Variants in TOGARAM2 observed in about 807,000 individuals in gnomAD.
The protein encoded by TOGARAM2 is TOG array regulator of axonemal microtubules protein 2.
Under a neutral mutation model 93.3 loss-of-function variants are expected in TOGARAM2, and 85 were observed. That is an observed-to-expected ratio of 0.91 (90% CI 0.76 to 1.09). The LOEUF is 1.09. Among genes scored for constraint, TOGARAM2 ranks in the 50% least tolerant of loss-of-function variants. The pLI is 0.00. For synonymous variants in TOGARAM2, 593 were observed against 552.8 expected, an observed-to-expected ratio of 1.07 and a Z score of -1.02; for missense variants, 1,277 against 1,334.5, an observed-to-expected ratio of 0.96 and a Z score of 0.67.
At chr2:29,044,260 A>T (rs568798585) in intron 18 of TOGARAM2, among the ~76,000 whole-genome samples, 2 of 152,310 alleles carry the variant, frequency 1.3e-5, no homozygotes, top group East Asian at 3.9e-4. Flanking sequence ...CCCGAAAGGC[A>T]TATTGGGGCA....
intron 18 of TOGARAM2, among the ~76,000 whole-genome samples, chr2:29,044,253 G>A (rs189665205): frequency 1.1e-4 from 16 of 152,274 alleles, no homozygotes; most frequent in Admixed American, 3.9e-4. Context: ...CAAACCTCCC[G>A]AAAGGCATAT....
At chr2:29,024,032 G>C in intron 12 of TOGARAM2, 107 bp from the exon 13 acceptor site, 1 of 946,108 alleles carries the variant, frequency 1.1e-6, no homozygotes. Flanking sequence ...CTAGGTCAGG[G>C]GAAGGGTGGG....
At chr2:29,034,786 A>G (rs1029696383) in intron 16 of TOGARAM2, among the ~76,000 whole-genome samples, 1 of 152,118 alleles carries the variant, frequency 6.6e-6, no homozygotes, top group African/African-American at 2.4e-5. Context: ...CCAGCCAGGG[A>G]TCAGGATATA....
rs146889949 is a variant in TOGARAM2 at position 28,973,441 on chromosome 2, CCCTTCCTT to C, written c.-147+16764_-147+16771del. On this transcript the variant is annotated intron_variant, in intron 1 of 6. Coordinates refer to the TOGARAM2 transcript ENST00000401723. ...CTTCTTTCCTCCCTTCCTTCCCTTC[CCCTTCCTT>C]CCTTCCTTCCTTCCTTCCTCCCTCC... 4.3e-3 allele frequency among the ~76,000 whole-genome samples: 169 copies of C among 39,054 alleles called. 1 individual carries two copies. Among genetic ancestry groups the C allele is most frequent in the South Asian group, 7.7e-3 (8 of 1,044 alleles). The allele number at this position is 39,054 out of a possible 152,430, so 25.6% of individuals were successfully genotyped here.
intron 11 of TOGARAM2, among the ~76,000 whole-genome samples, 174 bp downstream of exon 11, chr2:29,022,482 G>A (rs1351308652): frequency 6.6e-6 from 1 of 152,204 alleles, no homozygotes; most frequent in Non-Finnish European, 1.5e-5. Flanking sequence ...GTGTTTATGT[G>A]CGTGTGTGCA....
Position 29,017,952 on chromosome 2 carries a change from C to A in TOGARAM2, c.1356C>A (p.Ala452=). ...SRQEPRFARH[A]SANSLPAVLT... ...AGGAGCCCCGCTTTGCCCGCCACGC[C>A]TCAGGTGGGCAGGCCCGACTGGCAG... Residue 452 remains alanine, a synonymous_variant, in exon 10 of 20, where the codon GCC becomes GCA. Coordinates refer to ENST00000379558, the MANE Select transcript of TOGARAM2 (RefSeq NM_199280.4). 6.2e-7 allele frequency: 1 copy of A among 1,601,128 alleles called. No individual in the cohort carries two copies.
At chr2:29,011,825 GCT>G (rs1664268910) in intron 7 of TOGARAM2, among the ~76,000 whole-genome samples, 1 of 152,220 alleles carries the variant, frequency 6.6e-6, no homozygotes, top group Non-Finnish European at 1.5e-5. Context: ...GCACACGAAG[GCT>G]CTGTGAGCAG....
At chr2:29,028,649 G>T (rs11887051) in intron 14 of TOGARAM2, among the ~76,000 whole-genome samples, 3 of 152,104 alleles carry the variant, frequency 2.0e-5, no homozygotes, top group African/African-American at 7.2e-5. Flanking sequence ...TCTGGCTGCC[G>T]CAGGACTGGT....
intron 10 of TOGARAM2, among the ~76,000 whole-genome samples, chr2:29,021,465 G>A (rs1664940262): frequency 6.6e-6 from 1 of 152,192 alleles, no homozygotes; most frequent in South Asian, 2.1e-4. Flanking sequence ...GTGTGATCAG[G>A]GCATTTGGCT....
intron 1 of TOGARAM2, among the ~76,000 whole-genome samples, chr2:28,971,561 C>T (rs1328578717): frequency 6.6e-6 from 1 of 152,128 alleles, no homozygotes; most frequent in Non-Finnish European, 1.5e-5. Context: ...TGGGAGGGAT[C>T]CTCAATCAGG....
chr2:29,037,688 G>A (rs1444306435), intron 18 of TOGARAM2, among the ~76,000 whole-genome samples: 1 of 152,132 alleles, frequency 6.6e-6, no homozygotes, highest in Admixed American at 6.5e-5. Flanking sequence ...CAAATCAAAG[G>A]CCTGGTCAGG....
upstream of TOGARAM2, among the ~76,000 whole-genome samples, chr2:28,976,756 T>G (rs1672044556): frequency 6.6e-6 from 1 of 152,338 alleles, no homozygotes; most frequent in African/African-American, 2.4e-5. Flanking sequence ...TTAGGTTGCA[T>G]ACATTATTCT....
chr2:28,980,956 C>T (rs1358479420), upstream of TOGARAM2, among the ~76,000 whole-genome samples: 1 of 152,200 alleles, frequency 6.6e-6, no homozygotes, highest in Non-Finnish European at 1.5e-5. Context: ...CTGCCTGCTG[C>T]CAAGGCCTGG....
At chr2:28,978,730 C>A (rs1672070653), upstream of TOGARAM2, among the ~76,000 whole-genome samples, 1 of 152,098 alleles carries the variant, frequency 6.6e-6, no homozygotes, top group African/African-American at 2.4e-5. Flanking sequence ...CAGTTTAATT[C>A]ATTCACATCA....
chr2:28,984,635 G>C (rs1438917616), intron 1 of TOGARAM2, among the ~76,000 whole-genome samples: 3 of 152,190 alleles, frequency 2.0e-5, no homozygotes, highest in African/African-American at 7.2e-5. Flanking sequence ...CCTGCAGAAG[G>C]CATTCCTGGG....
intron 5 of TOGARAM2, among the ~76,000 whole-genome samples, chr2:29,003,232 G>T (rs1673411394): frequency 6.6e-6 from 1 of 152,226 alleles, no homozygotes. Flanking sequence ...GTTTGGCCCA[G>T]ATGTGTTTGA....
intron 1 of TOGARAM2, among the ~76,000 whole-genome samples, chr2:28,987,360 G>A (rs1672514489): frequency 6.6e-6 from 1 of 152,100 alleles, no homozygotes; most frequent in Admixed American, 6.6e-5. Context: ...CATGATCTCG[G>A]TTCACTGCAA....
At chr2:28,968,414 C>T (rs1671896506) in intron 1 of TOGARAM2, among the ~76,000 whole-genome samples, 1 of 152,114 alleles carries the variant, frequency 6.6e-6, no homozygotes, top group Admixed American at 6.6e-5. Context: ...CCTCCTCGCT[C>T]CCTCTCTCCC....
At chr2:29,051,392 T>G in intron 19 of TOGARAM2, 1 of 169,528 alleles carries the variant, frequency 5.9e-6, no homozygotes, top group Non-Finnish European at 1.2e-5. Context: ...GGGGGCAGGA[T>G]TGTAACCAGG....
Sources: gnomAD v4.1 joint callset for allele counts (sites outside exome capture counted in the v4.1 genomes callset) on GRCh38, gnomAD v4.1.1 for gene constraint, MANE v1.5 for transcripts, NCBI Gene and HGNC (gene_info 2026-07-23, HGNC 2026-07-21) for gene names.